The following PDE4D variants were observed in gnomAD, a reference collection of about 807,000 sequenced individuals.
The protein encoded by PDE4D is 3',5'-cyclic-AMP phosphodiesterase 4D.
In PDE4D, 24 loss-of-function variants were observed where a neutral mutation model predicts 87.4. The observed-to-expected ratio is 0.27, with a 90% CI of 0.20 to 0.39. The LOEUF (loss-of-function observed/expected upper bound fraction) is 0.39. PDE4D is among the 10% of genes least tolerant of loss of function. PDE4D has a pLI of 1.00. For synonymous variants in PDE4D, 384 were observed against 383.2 expected, an observed-to-expected ratio of 1.00 and a Z score of -0.02; for missense variants, 714 against 1,041.0, an observed-to-expected ratio of 0.69 and a Z score of 4.32.
chr5:59,468,897 G>C (rs1006889402), intron 1 of PDE4D, among the ~76,000 whole-genome samples: 1 of 152,258 alleles, frequency 6.6e-6, no homozygotes, highest in Admixed American at 6.5e-5. Flanking sequence ...GCCAGACACT[G>C]GTGGCTCATG....
chr5:59,386,839 T>G (rs1787161379), intron 1 of PDE4D, among the ~76,000 whole-genome samples: 1 of 152,126 alleles, frequency 6.6e-6, no homozygotes. Context: ...TCCTTTACCT[T>G]AGCTGGAGAG....
intron 1 of PDE4D, among the ~76,000 whole-genome samples, chr5:59,317,837 C>A (rs146167407): frequency 6.6e-6 from 1 of 152,306 alleles, no homozygotes; most frequent in Admixed American, 6.5e-5. Flanking sequence ...TGAGAGTGGA[C>A]TGGCTTACTA....
At chr5:59,964,136 T>TAATG (rs1318286718) in intron 3 of PDE4D, among the ~76,000 whole-genome samples, 2 of 152,176 alleles carry the variant, frequency 1.3e-5, no homozygotes, top group Admixed American at 1.3e-4. Flanking sequence ...AAGGCCAATG[T>TAATG]AATGGGCCTA....
Position 59,756,904 on chromosome 5 carries a change from T to C in PDE4D, c.455+136264A>G, listed in dbSNP as rs546372168. Among the ~76,000 whole-genome samples the C allele has an allele frequency of 1.8e-3, 269 of 151,746 alleles. 1 individual carries two copies. The highest frequency in any genetic ancestry group is 5.9e-3 in the African/African-American group (243 of 41,368). ...CCTCCGCCTCCTAGGTTCCAGCGAT[T>C]CTCCTGCCTCAGCCTCCCGAGTAGC... On this transcript the variant is annotated intron_variant, in intron 1 of 14. Transcript: ENST00000340635.
intron 2 of PDE4D, among the ~76,000 whole-genome samples, chr5:60,082,913 G>A (rs539508888): frequency 6.6e-6 from 1 of 152,232 alleles, no homozygotes; most frequent in Non-Finnish European, 1.5e-5. Flanking sequence ...GACACCTTCT[G>A]ATTTCTCAGG....
At chr5:59,821,363 A>G (rs1769643191) in intron 1 of PDE4D, among the ~76,000 whole-genome samples, 1 of 152,230 alleles carries the variant, frequency 6.6e-6, no homozygotes, top group East Asian at 1.9e-4. Context: ...AGTGATGCCA[A>G]AAAAGGTAAC....
At chr5:59,418,491 T>C (rs1793977451) in intron 1 of PDE4D, among the ~76,000 whole-genome samples, 1 of 152,162 alleles carries the variant, frequency 6.6e-6, no homozygotes, top group South Asian at 2.1e-4. Context: ...CTACAAAGCA[T>C]TCTCTGATAC....
intron 1 of PDE4D, among the ~76,000 whole-genome samples, chr5:59,370,010 C>T (rs1783698360): frequency 6.6e-6 from 1 of 152,128 alleles, no homozygotes; most frequent in Non-Finnish European, 1.5e-5. Flanking sequence ...CTCTTTTTCT[C>T]TCACTCTATG....
chr5:59,388,330 C>CA (rs1190829368), intron 1 of PDE4D, among the ~76,000 whole-genome samples: 1 of 151,616 alleles, frequency 6.6e-6, no homozygotes, highest in Non-Finnish European at 1.5e-5. Context: ...CCTGTTAGTA[C>CA]AAAAAAGATG....
In PDE4D at chr5:60,468,130, C is replaced by CTTTTTTTTTT. The variant is rs370784270; in HGVS notation, c.-90+19811_-90+19812insAAAAAAAAAA. Among the ~76,000 whole-genome samples, 81 of 126,186 alleles carry CTTTTTTTTTT rather than the reference C, an allele frequency of 6.4e-4. 1 individual carries two copies. The highest frequency in any genetic ancestry group is 1.8e-3 in the African/African-American group (60 of 32,578). The allele number at this position is 126,186 out of a possible 152,430, so 82.8% of individuals were successfully genotyped here. Reference sequence around the variant, plus strand: ...TCTAATACACATCCTAACTTTCTTTCTTTTTTCTTTTTTTTTTGTTTTTTT... The same window carrying CTTTTTTTTTT: ...TCTAATACACATCCTAACTTTCTTTCTTTTTTTTTTTTTTTTCTTTTTTTTTTGTTTTTTT... On this transcript the variant is annotated intron_variant, in intron 1 of 16. Transcript: ENST00000502484.
chr5:59,126,302 TAAC>T (rs1264089559), intron 5 of PDE4D, among the ~76,000 whole-genome samples: 5 of 152,232 alleles, frequency 3.3e-5, no homozygotes, highest in Non-Finnish European at 7.3e-5. Flanking sequence ...TTTCAGAGGA[TAAC>T]CCAAATTCCT....
At chr5:60,265,541 C>A (rs965306545) in intron 1 of PDE4D, among the ~76,000 whole-genome samples, 1 of 152,150 alleles carries the variant, frequency 6.6e-6, no homozygotes, top group Non-Finnish European at 1.5e-5. Flanking sequence ...TCTCTTGGAA[C>A]CTTAATTCCA....
chr5:60,263,589 T>C (rs953527208), intron 1 of PDE4D, among the ~76,000 whole-genome samples: 11 of 152,234 alleles, frequency 7.2e-5, no homozygotes, highest in Non-Finnish European at 4.4e-5. Flanking sequence ...AAATGCTTCA[T>C]GGTTTCTGTT....
intron 1 of PDE4D, among the ~76,000 whole-genome samples, chr5:60,247,265 T>G (rs1246562089): frequency 6.6e-6 from 1 of 152,012 alleles, no homozygotes. Flanking sequence ...CCCTGGAGTT[T>G]TCAATTCAAC....
chr5:60,260,032 T>C (rs1389125990), intron 1 of PDE4D, among the ~76,000 whole-genome samples: 3 of 152,096 alleles, frequency 2.0e-5, no homozygotes, highest in Admixed American at 1.3e-4. Flanking sequence ...CAATTCTTTT[T>C]TTTTTAAGCC....
At chr5:59,021,668 A>C (rs545689247) in intron 6 of PDE4D, among the ~76,000 whole-genome samples, 108 of 152,156 alleles carry the variant, frequency 7.1e-4, no homozygotes, top group African/African-American at 2.3e-3. Context: ...AGGGAGGCCA[A>C]ATTTATTTAT....
At chr5:59,642,150 C>T (rs1385393969) in intron 1 of PDE4D, among the ~76,000 whole-genome samples, 1 of 151,836 alleles carries the variant, frequency 6.6e-6, no homozygotes, top group Non-Finnish European at 1.5e-5. Context: ...AAAAATAATC[C>T]ACTGTGTTTT....
intron 5 of PDE4D, among the ~76,000 whole-genome samples, chr5:59,079,676 T>C (rs1016405850): frequency 1.3e-5 from 2 of 150,000 alleles, no homozygotes; most frequent in African/African-American, 2.5e-5. Flanking sequence ...TTAATAATAA[T>C]AATAATAATA....
At chr5:59,179,659 T>C (rs980409295) in intron 5 of PDE4D, 2 of 463,590 alleles carry the variant, frequency 4.3e-6, no homozygotes, top group Non-Finnish European at 8.6e-6. Context: ...AAGTTAAATT[T>C]CAAGCAAAGT....
Sources: allele counts gnomAD v4.1 joint callset (sites outside exome capture counted in the v4.1 genomes callset), GRCh38; gene constraint gnomAD v4.1.1; transcripts MANE v1.5; gene names NCBI Gene and HGNC (gene_info 2026-07-23, HGNC 2026-07-21).